RBFOX1: variants seen among roughly 807,000 people sequenced by gnomAD.
RBFOX1 encodes RNA binding fox-1 homolog 1.
Under a neutral mutation model 57.7 loss-of-function variants are expected in RBFOX1, and 8 were observed. That is an observed-to-expected ratio of 0.14 (90% confidence interval 0.08 to 0.25). The LOEUF (loss-of-function observed/expected upper bound fraction) is 0.25. Among genes scored for constraint, RBFOX1 ranks in the 10% least tolerant of loss-of-function variants. The pLI is 1.00. For missense variants in RBFOX1, 611 were observed against 548.5 expected, an observed-to-expected ratio of 1.11 and a Z score of -1.14; for synonymous variants, 326 against 222.4, an observed-to-expected ratio of 1.47 and a Z score of -4.15.
At chr16:7,226,587 G>C (rs1209249597) in intron 4 of RBFOX1, among the ~76,000 whole-genome samples, 1 of 152,160 alleles carries the variant, frequency 6.6e-6, no homozygotes, top group Non-Finnish European at 1.5e-5. Context: ...AACATCTGGG[G>C]GTTCTTTCCT....
chr16:7,094,777 G>GTGTGTGTGTGA (rs1567232668), intron 4 of RBFOX1, among the ~76,000 whole-genome samples: 2 of 53,602 alleles, frequency 3.7e-5, no homozygotes, highest in Non-Finnish European at 9.6e-5. Flanking sequence ...TGTGTGTGTG[G>GTGTGTGTGTGA]GTGTGTGTGT....
chr16:6,531,306 C>G (rs749006894), intron 2 of RBFOX1, among the ~76,000 whole-genome samples: 1 of 152,160 alleles, frequency 6.6e-6, no homozygotes, highest in Non-Finnish European at 1.5e-5. Flanking sequence ...TTGCAGGAGC[C>G]TCTGGTATTT....
intron 2 of RBFOX1, among the ~76,000 whole-genome samples, chr16:6,367,782 G>A (rs1323795593): frequency 6.6e-6 from 1 of 151,090 alleles, no homozygotes; most frequent in African/African-American, 2.4e-5. Context: ...ATGATGCCAG[G>A]AGCAGAAAGC....
chr16:6,684,778 G>A (rs774451583), intron 3 of RBFOX1, among the ~76,000 whole-genome samples: 7 of 152,196 alleles, frequency 4.6e-5, no homozygotes, highest in Non-Finnish European at 8.8e-5. Context: ...ATTGAAACAG[G>A]AAAGTTTGGA....
rs143695702 is a variant in RBFOX1, at chr16:6,948,661, C to T, written c.-15-103396C>T. ...CCTCCCAAAGTGCTGGGATTACAAG[C>T]GTGAGCCACCACGCCTGGCGTTGTG... On this transcript the variant is annotated intron_variant, in intron 3 of 15. Coordinates refer to ENST00000550418, the MANE Select transcript of RBFOX1 (RefSeq NM_018723.4). 2.8e-3 allele frequency among the ~76,000 whole-genome samples: 432 copies of T among 152,116 alleles called. 2 individuals carry two copies. The highest frequency in any genetic ancestry group is 9.4e-3 in the African/African-American group (388 of 41,486).
chr16:5,405,270 C>T (rs1029174130), intron 1 of RBFOX1, among the ~76,000 whole-genome samples: 1 of 152,160 alleles, frequency 6.6e-6, no homozygotes, highest in Non-Finnish European at 1.5e-5. Flanking sequence ...AATTATAGCT[C>T]CCACAATTCC....
intron 3 of RBFOX1, among the ~76,000 whole-genome samples, chr16:6,737,392 T>C (rs768128164): frequency 2.0e-5 from 3 of 152,180 alleles, no homozygotes; most frequent in African/African-American, 4.8e-5. Flanking sequence ...AGAAGAAATA[T>C]TGGGCCTTCA....
intron 4 of RBFOX1, among the ~76,000 whole-genome samples, chr16:5,978,092 C>G (rs1361348637): frequency 2.5e-5 from 3 of 121,048 alleles, no homozygotes; most frequent in Non-Finnish European, 4.7e-5. Flanking sequence ...GAGTTTAAGA[C>G]CAGGCTGGGC....
intron 4 of RBFOX1, among the ~76,000 whole-genome samples, chr16:7,510,923 G>A (rs1480594406): frequency 1.3e-5 from 2 of 152,148 alleles, no homozygotes; most frequent in Non-Finnish European, 2.9e-5. Context: ...CATTATAAGG[G>A]TTGAGTTAAG....
At chr16:6,460,116 A>C (rs1314057860) in intron 2 of RBFOX1, among the ~76,000 whole-genome samples, 1 of 151,428 alleles carries the variant, frequency 6.6e-6, no homozygotes, top group Non-Finnish European at 1.5e-5. Flanking sequence ...ACAGCATTGC[A>C]GACTTGGCAG....
intron 2 of RBFOX1, among the ~76,000 whole-genome samples, chr16:6,560,424 A>T (rs971584128): frequency 7.9e-5 from 12 of 152,172 alleles, no homozygotes; most frequent in Admixed American, 7.2e-4. Context: ...TTTTGGCATA[A>T]AGCCAGCTGC....
chr16:7,421,667 T>C (rs942309446), intron 4 of RBFOX1, among the ~76,000 whole-genome samples: 12 of 152,246 alleles, frequency 7.9e-5, no homozygotes, highest in Non-Finnish European at 1.5e-4. Context: ...GTGCTTACTG[T>C]CCCATTTCCA....
At chr16:6,203,830 G>T (rs2097233901) in intron 1 of RBFOX1, among the ~76,000 whole-genome samples, 1 of 152,120 alleles carries the variant, frequency 6.6e-6, no homozygotes, top group Non-Finnish European at 1.5e-5. Flanking sequence ...TACATCTGAT[G>T]CAGCAGTCTC....
chr16:7,035,584 C>G (rs1357279337), intron 3 of RBFOX1, among the ~76,000 whole-genome samples: 1 of 151,998 alleles, frequency 6.6e-6, no homozygotes, highest in Non-Finnish European at 1.5e-5. Flanking sequence ...AGGTAAAGCT[C>G]TGCGTTGTTG....
intron 2 of RBFOX1, among the ~76,000 whole-genome samples, chr16:6,596,407 T>A (rs991520227): frequency 6.6e-6 from 1 of 152,228 alleles, no homozygotes; most frequent in Non-Finnish European, 1.5e-5. Context: ...TTACTGACTT[T>A]GACCCTAGGG....
At chr16:5,535,573 C>A (rs1337359451) in intron 2 of RBFOX1, among the ~76,000 whole-genome samples, 1 of 152,186 alleles carries the variant, frequency 6.6e-6, no homozygotes, top group African/African-American at 2.4e-5. Context: ...CAGCTCTAAA[C>A]TTCTGGGCTT....
Position 6,637,397 on chromosome 16 carries a change from T to TATTATATAATATA in RBFOX1, c.-63-17206_-63-17205insATTATATAATATA, listed in dbSNP as rs373918014. On this transcript the variant is annotated intron_variant, in intron 2 of 15. Coordinates refer to ENST00000550418, the MANE Select transcript of RBFOX1 (RefSeq NM_018723.4). ...ATAATATACAAATATATATTATATATTAAATATATATATTATATAATATAT... is the reference window on the plus strand; with the variant it reads ...ATAATATACAAATATATATTATATATATTATATAATATATAAATATATATATTATATAATATAT... Among the ~76,000 whole-genome samples, 34 of 6,830 alleles carry TATTATATAATATA rather than the reference T, an allele frequency of 5.0e-3. 3 individuals are homozygous for TATTATATAATATA. The highest frequency in any genetic ancestry group is 5.8e-3 in the African/African-American group (27 of 4,624). The allele number at this position is 6,830 out of a possible 152,430, so 4.5% of individuals were successfully genotyped here. A position where few individuals can be genotyped will look rare whatever the true frequency, so the allele number is the denominator to read the frequency against.
intron 2 of RBFOX1, among the ~76,000 whole-genome samples, chr16:5,533,473 T>G (rs11642665): frequency 0.27 from 41,200 of 151,952 alleles, 6,973 homozygotes; most frequent in East Asian, 0.86. Context: ...GAACACACAT[T>G]TTTTTCTGAT....
At chr16:5,688,057 C>G (rs2050558407) in intron 3 of RBFOX1, among the ~76,000 whole-genome samples, 2 of 152,184 alleles carry the variant, frequency 1.3e-5, no homozygotes, top group Admixed American at 6.5e-5. Flanking sequence ...CCAACCAGGT[C>G]AAGCTCCCCA....
Sources: allele counts gnomAD v4.1 joint callset (sites outside exome capture counted in the v4.1 genomes callset), GRCh38; gene constraint gnomAD v4.1.1; transcripts MANE v1.5; gene names NCBI Gene and HGNC (gene_info 2026-07-23, HGNC 2026-07-21).